CFAP47: variants seen among roughly 807,000 people sequenced by gnomAD.
CFAP47 encodes the protein cilia and flagella associated protein 47.
Under a neutral mutation model 148.1 loss-of-function variants are expected in CFAP47, and 29 were observed. The observed-to-expected ratio is 0.20, with a 90% confidence interval of 0.15 to 0.27. CFAP47 has a LOEUF of 0.27. CFAP47 is among the 10% of genes least tolerant of loss of function. CFAP47 has a pLI of 1.00. For synonymous variants in CFAP47, 664 were observed against 577.3 expected (o/e 1.15, Z -2.15); for missense variants, 1,872 against 1,697.5 (o/e 1.10, Z -1.81).
intron 57 of CFAP47, among the ~76,000 whole-genome samples, chrX:36,324,454 T>C (rs1223284199): frequency 9.0e-6 from 1 of 111,369 alleles, no homozygotes; most frequent in Non-Finnish European, 1.9e-5. Flanking sequence ...GCAGCCAAGG[T>C]ATGGGGACTG....
Position 36,016,392 on chromosome X carries a change from G to T in CFAP47, c.3556+1480G>T, listed in dbSNP as rs188132564. On this transcript the variant is annotated intron_variant, in intron 22 of 63. Coordinates refer to ENST00000378653, the MANE Select transcript of CFAP47 (RefSeq NM_001304548.2). ...TTTCATTTGTAGATCCCACAAATAA[G>T]TGAGAACATGTGATGTTTGTCTTTC... Among the ~76,000 whole-genome samples, 47 of 110,831 alleles carry T rather than the reference G, an allele frequency of 4.2e-4. 1 individual carries two copies. Among genetic ancestry groups the T allele is most frequent in the Admixed American group, 3.6e-3 (37 of 10,366 alleles).
intron 8 of CFAP47, among the ~76,000 whole-genome samples, chrX:35,964,087 T>G (rs1028509787): frequency 6.3e-4 from 70 of 111,841 alleles, no homozygotes; most frequent in African/African-American, 2.2e-3. Context: ...GAATTTGAGT[T>G]ACTATCAAGT....
intron 33 of CFAP47, among the ~76,000 whole-genome samples, chrX:36,132,269 T>C (rs1938961625): frequency 9.0e-6 from 1 of 111,437 alleles, no homozygotes; most frequent in South Asian, 3.7e-4. Context: ...CAATTAAAAA[T>C]TTTAAAAATG....
At chrX:35,960,787 G>T (rs6632442) in intron 8 of CFAP47, among the ~76,000 whole-genome samples, 1 of 106,622 alleles carries the variant, frequency 9.4e-6, no homozygotes, top group Admixed American at 9.8e-5. Context: ...TGGGATACAA[G>T]AACATGTCAC....
chrX:36,380,974 AGTT>A (rs1942073033), intron 63 of CFAP47, among the ~76,000 whole-genome samples: 1 of 112,097 alleles, frequency 8.9e-6, no homozygotes, highest in South Asian at 3.7e-4. Flanking sequence ...TGAGGGAACA[AGTT>A]GTTACATGGG....
At chrX:36,096,454 C>T (rs1938278837) in intron 30 of CFAP47, among the ~76,000 whole-genome samples, 1 of 110,938 alleles carries the variant, frequency 9.0e-6, no homozygotes, top group Non-Finnish European at 1.9e-5. Flanking sequence ...TTGAACTCTC[C>T]AGCTATTATT....
At chrX:36,345,198 T>C (rs1941687071) in intron 57 of CFAP47, among the ~76,000 whole-genome samples, 1 of 111,771 alleles carries the variant, frequency 8.9e-6, no homozygotes, top group Non-Finnish European at 1.9e-5. Flanking sequence ...ACAACAATGA[T>C]TCATGAAAAT....
chrX:36,282,916 C>A (rs1169047023), intron 50 of CFAP47, among the ~76,000 whole-genome samples: 2 of 111,520 alleles, frequency 1.8e-5, no homozygotes, highest in African/African-American at 6.5e-5. Context: ...ATATACAAAA[C>A]ATATGACATT....
At chrX:36,105,109 G>A (rs754830594) in intron 33 of CFAP47, among the ~76,000 whole-genome samples, 4 of 111,789 alleles carry the variant, frequency 3.6e-5, no homozygotes, top group African/African-American at 1.3e-4. Context: ...AAATCACTAA[G>A]AGCAATAATG....
In CFAP47 at chrX:35,963,341, A is replaced by T. The variant is rs6629025; in HGVS notation, c.1411-3224A>T. Among the ~76,000 whole-genome samples, 1,027 of 111,228 alleles carry T rather than the reference A, an allele frequency of 9.2e-3. 34 individuals are homozygous for T. The highest frequency in any genetic ancestry group is 0.075 in the Admixed American group (779 of 10,396). ...TATTTAGCTTTATTTAATTGTTTCAAAATTACATCAAAATTACATATTAAA... is the reference window on the plus strand; with the variant it reads ...TATTTAGCTTTATTTAATTGTTTCATAATTACATCAAAATTACATATTAAA... On this transcript the variant is annotated intron_variant, in intron 8 of 63. Transcript: ENST00000378653.
chrX:36,334,684 A>G (rs868970546), intron 57 of CFAP47, among the ~76,000 whole-genome samples: 1 of 110,418 alleles, frequency 9.1e-6, no homozygotes, highest in Middle Eastern at 4.6e-3. Context: ...CAAGGTTTAT[A>G]TGATCTCTGT....
chrX:36,125,778 C>T (rs980959325), intron 33 of CFAP47, among the ~76,000 whole-genome samples: 2 of 111,074 alleles, frequency 1.8e-5, no homozygotes, highest in African/African-American at 6.5e-5. Flanking sequence ...TATCATATTC[C>T]ATAATGTTCA....
At chrX:35,974,643 A>G (rs949532713) in intron 13 of CFAP47, among the ~76,000 whole-genome samples, 2 of 112,130 alleles carry the variant, frequency 1.8e-5, no homozygotes, top group Admixed American at 9.5e-5. Flanking sequence ...AAATATGTTC[A>G]GTTTACTTAC....
chrX:36,135,108 T>A (rs1939020910), intron 33 of CFAP47, among the ~76,000 whole-genome samples: 1 of 110,417 alleles, frequency 9.1e-6, no homozygotes, highest in African/African-American at 3.3e-5. Context: ...GGCGTAAGAA[T>A]GATACAATGG....
At chrX:35,942,384 C>G (rs41411647) in intron 3 of CFAP47, among the ~76,000 whole-genome samples, 2 of 110,634 alleles carry the variant, frequency 1.8e-5, no homozygotes, top group African/African-American at 6.6e-5. Context: ...AACTCATAAC[C>G]GTTCCACATT....
At chrX:36,228,876 A>G in intron 46 of CFAP47, 52 bp downstream of exon 46, 2 of 490,806 alleles carry the variant, frequency 4.1e-6, no homozygotes, top group Non-Finnish European at 7.4e-6. Flanking sequence ...CCACTGTGTC[A>G]ATTAAAGTCC....
intron 33 of CFAP47, among the ~76,000 whole-genome samples, chrX:36,120,790 GT>G (rs1349090350): frequency 9.1e-6 from 1 of 109,335 alleles, no homozygotes; most frequent in Non-Finnish European, 1.9e-5. Flanking sequence ...CATATAATCT[GT>G]TTTTGAGAAT....
chrX:36,247,965 G>A (rs1286190594), intron 48 of CFAP47, among the ~76,000 whole-genome samples: 1 of 110,452 alleles, frequency 9.1e-6, no homozygotes, highest in Non-Finnish European at 1.9e-5. Flanking sequence ...CATGAACATA[G>A]TTTCTAAAAT....
chrX:36,049,486 TCTCACACACA>T (rs1569242356), intron 26 of CFAP47, among the ~76,000 whole-genome samples: 3 of 64,553 alleles, frequency 4.6e-5, no homozygotes, highest in Admixed American at 1.9e-4. Context: ...TATTTCTCTC[TCTCACACACA>T]CACACACACA....
Sources: gnomAD v4.1 joint callset for allele counts (sites outside exome capture counted in the v4.1 genomes callset) on GRCh38, gnomAD v4.1.1 for gene constraint, MANE v1.5 for transcripts, NCBI Gene and HGNC (gene_info 2026-07-23, HGNC 2026-07-21) for gene names.